LRMDA: variants seen among roughly 807,000 people sequenced by gnomAD.
The protein encoded by LRMDA is leucine rich melanocyte differentiation associated.
A neutral mutation model predicts 29.8 loss-of-function variants in LRMDA; 18 were observed. The observed-to-expected ratio is 0.60, with a 90% CI of 0.42 to 0.90. LRMDA has a LOEUF of 0.90. Ranked by LOEUF, LRMDA falls within the 40% of genes least tolerant of loss-of-function variation. LRMDA has a pLI of 0.00. For missense variants in LRMDA, 273 were observed against 273.9 expected (o/e 1.00, Z 0.02); for synonymous variants, 125 against 109.4 (o/e 1.14, Z -0.89).
At position 75,578,215 on chromosome 10, in the gene LRMDA, C is replaced by CAAAAAAAAAAAA. The variant is rs1183989010; in HGVS notation, c.131+139734_131+139745dup. On this transcript the variant is annotated intron_variant, in intron 2 of 6. Coordinates refer to ENST00000611255, the MANE Select transcript of LRMDA (RefSeq NM_001305581.2). ...GTATATTTACCAAGCAAATGGAAAG[C>CAAAAAAAAAAAA]AAAAAAAAAAAAAAAAAAAAAAAAG... 2.5e-3 allele frequency among the ~76,000 whole-genome samples: 36 copies of CAAAAAAAAAAAA among 14,224 alleles called. 7 individuals are homozygous for CAAAAAAAAAAAA. Among genetic ancestry groups the CAAAAAAAAAAAA allele is most frequent in the Non-Finnish European group, 4.8e-3 (28 of 5,886 alleles). 9.3% of individuals were successfully genotyped at this position (14,224 alleles called of 152,430 possible).
intron 6 of LRMDA, among the ~76,000 whole-genome samples, chr10:76,532,677 T>G (rs1843247461): frequency 6.6e-6 from 1 of 152,142 alleles, no homozygotes; most frequent in Non-Finnish European, 1.5e-5. Context: ...AATGGCATTT[T>G]ATTTGGGCCT....
chr10:75,532,355 G>C (rs888033575), intron 2 of LRMDA, among the ~76,000 whole-genome samples: 1 of 152,070 alleles, frequency 6.6e-6, no homozygotes, highest in Non-Finnish European at 1.5e-5. Flanking sequence ...TGGAATTTTT[G>C]ATCCAGGCTG....
intron 2 of LRMDA, among the ~76,000 whole-genome samples, chr10:75,944,706 G>A (rs1846448733): frequency 6.7e-6 from 1 of 149,616 alleles, no homozygotes; most frequent in Admixed American, 6.7e-5. Context: ...GTCAAATCAT[G>A]TGTGTGTCTG....
At chr10:75,997,022 G>A (rs897595612) in intron 2 of LRMDA, among the ~76,000 whole-genome samples, 6 of 152,170 alleles carry the variant, frequency 3.9e-5, no homozygotes, top group South Asian at 2.1e-4. Flanking sequence ...ATGAGCCACC[G>A]TGCCTGGCCA....
chr10:76,153,661 A>T, intron 5 of LRMDA, among the ~76,000 whole-genome samples: 1 of 152,228 alleles, frequency 6.6e-6, no homozygotes, highest in Non-Finnish European at 1.5e-5. Context: ...AGATAAAAGT[A>T]TTCTATATAA....
At chr10:75,577,529 T>G (rs1030887234) in intron 2 of LRMDA, among the ~76,000 whole-genome samples, 1 of 152,010 alleles carries the variant, frequency 6.6e-6, no homozygotes, top group African/African-American at 2.4e-5. Context: ...AATTCGGAAA[T>G]ACAGAGAACA....
chr10:76,321,384 G>A (rs567874177), intron 5 of LRMDA, among the ~76,000 whole-genome samples: 10 of 152,262 alleles, frequency 6.6e-5, no homozygotes, highest in African/African-American at 2.4e-4. Context: ...ATGATGAGTG[G>A]AAAAATCGTA....
chr10:75,538,973 C>T (rs1839984366), intron 2 of LRMDA, among the ~76,000 whole-genome samples: 1 of 152,126 alleles, frequency 6.6e-6, no homozygotes, highest in Non-Finnish European at 1.5e-5. Context: ...GGTGCCATCC[C>T]TATATTAGTG....
At chr10:75,516,237 G>A (rs1425916615) in intron 2 of LRMDA, among the ~76,000 whole-genome samples, 2 of 152,176 alleles carry the variant, frequency 1.3e-5, no homozygotes, top group Non-Finnish European at 2.9e-5. Context: ...GAATTGCTGG[G>A]TCAAATGGTA....
At chr10:76,514,931 C>T (rs1001709225) in intron 6 of LRMDA, among the ~76,000 whole-genome samples, 15 of 152,170 alleles carry the variant, frequency 9.9e-5, no homozygotes, top group African/African-American at 3.1e-4. Flanking sequence ...TGCACAAGAA[C>T]GAAGAAAGTT....
At chr10:75,701,331 A>G (rs1319819294) in intron 2 of LRMDA, among the ~76,000 whole-genome samples, 1 of 152,232 alleles carries the variant, frequency 6.6e-6, no homozygotes, top group East Asian at 1.9e-4. Flanking sequence ...GTTTTGGACA[A>G]TCAAGATGCC....
chr10:75,673,287 G>T (rs1189048358), intron 2 of LRMDA, among the ~76,000 whole-genome samples: 1 of 152,114 alleles, frequency 6.6e-6, no homozygotes, highest in Non-Finnish European at 1.5e-5. Flanking sequence ...CGAAGTAGAA[G>T]AAATCTAAAA....
Position 75,923,208 on chromosome 10 carries a change from T to C in LRMDA, c.132-112800T>C, listed in dbSNP as rs576096212. On this transcript the variant is annotated intron_variant, in intron 2 of 6. Transcript: ENST00000611255. ...GCGGCTTATTTAAATACTGACTGTA[T>C]TGGAAAAATTAAAATTATGGTATCC... 7.3e-4 allele frequency among the ~76,000 whole-genome samples: 111 copies of C among 152,346 alleles called. 1 individual carries two copies. Among genetic ancestry groups the C allele is most frequent in the African/African-American group, 2.3e-3 (97 of 41,574 alleles).
chr10:75,918,569 T>C (rs1279725713), intron 2 of LRMDA, among the ~76,000 whole-genome samples: 3 of 152,044 alleles, frequency 2.0e-5, no homozygotes, highest in Non-Finnish European at 2.9e-5. Context: ...CATGATCCAA[T>C]CACCTCCCAC....
intron 2 of LRMDA, among the ~76,000 whole-genome samples, chr10:75,584,225 C>T (rs1295506595): frequency 6.6e-6 from 1 of 152,116 alleles, no homozygotes; most frequent in Non-Finnish European, 1.5e-5. Flanking sequence ...TAGGAGCTGC[C>T]TGCATCTTCA....
intron 2 of LRMDA, among the ~76,000 whole-genome samples, chr10:75,564,870 G>A (rs1427866636): frequency 6.6e-6 from 1 of 152,134 alleles, no homozygotes; most frequent in Non-Finnish European, 1.5e-5. Flanking sequence ...TGATCTGTAA[G>A]GGATTCACCA....
At chr10:75,645,320 G>A (rs1841504783) in intron 2 of LRMDA, among the ~76,000 whole-genome samples, 1 of 152,206 alleles carries the variant, frequency 6.6e-6, no homozygotes, top group South Asian at 2.1e-4. Flanking sequence ...TGAACTGTAG[G>A]TGATACTGTC....
chr10:75,790,775 T>C (rs1232707282), intron 2 of LRMDA, among the ~76,000 whole-genome samples: 1 of 152,240 alleles, frequency 6.6e-6, no homozygotes, highest in Non-Finnish European at 1.5e-5. Flanking sequence ...ATATGTAGTC[T>C]TTTTAGCATT....
intron 5 of LRMDA, among the ~76,000 whole-genome samples, chr10:76,105,388 C>T: frequency 6.6e-6 from 1 of 151,640 alleles, no homozygotes; most frequent in East Asian, 1.9e-4. Flanking sequence ...GATATGGTCC[C>T]CTGGAACCTG....
Sources: gnomAD v4.1 joint callset for allele counts (sites outside exome capture counted in the v4.1 genomes callset) on GRCh38, gnomAD v4.1.1 for gene constraint, MANE v1.5 for transcripts, NCBI Gene and HGNC (gene_info 2026-07-23, HGNC 2026-07-21) for gene names.